Variants in SYT1 observed in about 807,000 individuals in gnomAD.
SYT1 encodes synaptotagmin-1.
Under a neutral mutation model 44.8 loss-of-function variants are expected in SYT1, and 8 were observed. That is an observed-to-expected ratio of 0.18 (90% CI 0.10 to 0.32). The LOEUF (loss-of-function observed/expected upper bound fraction) is 0.32. SYT1 is among the 10% of genes least tolerant of loss of function. The pLI is 1.00. For missense variants in SYT1, 286 were observed against 509.3 expected (o/e 0.56, Z 4.22); for synonymous variants, 154 against 188.8 (o/e 0.82, Z 1.51).
intron 8 of SYT1, among the ~76,000 whole-genome samples, chr12:79,336,566 G>A (rs1882099038): frequency 6.6e-6 from 1 of 151,934 alleles, no homozygotes; most frequent in Non-Finnish European, 1.5e-5. Context: ...AGAGGCCATG[G>A]CAAGCTAGAG....
intron 8 of SYT1, among the ~76,000 whole-genome samples, chr12:79,340,123 C>A (rs1192175278): frequency 6.6e-6 from 1 of 152,132 alleles, no homozygotes; most frequent in Non-Finnish European, 1.5e-5. Context: ...CAGCTTTGTT[C>A]TTTTTGCTTA....
intron 3 of SYT1, among the ~76,000 whole-genome samples, chr12:79,123,232 G>A (rs1592768137): frequency 6.6e-6 from 1 of 151,368 alleles, no homozygotes; most frequent in African/African-American, 2.4e-5. Flanking sequence ...CTTTAAGTTG[G>A]GTGCCTCAGC....
intron 4 of SYT1, among the ~76,000 whole-genome samples, chr12:79,258,007 G>A (rs1877624818): frequency 6.6e-6 from 1 of 152,062 alleles, no homozygotes; most frequent in African/African-American, 2.4e-5. Context: ...TTTCACAAAA[G>A]GCAAGGTTAC....
chr12:79,227,467 C>T (rs1875590655), intron 4 of SYT1, among the ~76,000 whole-genome samples: 1 of 152,086 alleles, frequency 6.6e-6, no homozygotes, highest in Non-Finnish European at 1.5e-5. Context: ...TAGAGTGCAC[C>T]TTTCTTTAAG....
At chr12:78,870,754 G>T (rs913914203) in intron 1 of SYT1, among the ~76,000 whole-genome samples, 1 of 151,898 alleles carries the variant, frequency 6.6e-6, no homozygotes, top group Non-Finnish European at 1.5e-5. Flanking sequence ...GCTCATTTCC[G>T]CTGGGCCATC....
intron 3 of SYT1, among the ~76,000 whole-genome samples, chr12:79,055,059 C>G (rs1486419075): frequency 6.6e-6 from 1 of 151,910 alleles, no homozygotes; most frequent in African/African-American, 2.4e-5. Flanking sequence ...GCCAGCTCCA[C>G]CACTTATTAA....
At chr12:79,055,120 A>G (rs1196234837) in intron 3 of SYT1, among the ~76,000 whole-genome samples, 1 of 151,978 alleles carries the variant, frequency 6.6e-6, no homozygotes, top group Non-Finnish European at 1.5e-5. Context: ...TGATTTCTCC[A>G]TTGAGTAATT....
chr12:78,966,498 T>C lies in SYT1; in HGVS notation c.-216-11301T>C, dbSNP rs149220156. On this transcript the variant is annotated intron_variant, in intron 1 of 10. Coordinates refer to ENST00000261205, the MANE Select transcript of SYT1 (RefSeq NM_005639.3). ...CTAATGACTTAAATCTACTACACCATCTTGCTGATCCATTTTGCCTAGCAA... is the reference window on the plus strand; with the variant it reads ...CTAATGACTTAAATCTACTACACCACCTTGCTGATCCATTTTGCCTAGCAA... 4.2e-3 allele frequency among the ~76,000 whole-genome samples: 637 copies of C among 152,292 alleles called. 5 individuals carry two copies. The highest frequency in any genetic ancestry group is 0.014 in the African/African-American group (590 of 41,560).
At chr12:79,383,314 T>C (rs1316836893) in intron 9 of SYT1, among the ~76,000 whole-genome samples, 1 of 152,216 alleles carries the variant, frequency 6.6e-6, no homozygotes, top group Non-Finnish European at 1.5e-5. Context: ...TATTTGTGTA[T>C]CTAAAGATAG....
In SYT1 at chr12:79,055,858, T is replaced by C. The variant is rs114868204; in HGVS notation, c.-18+8496T>C. 5.7e-3 allele frequency among the ~76,000 whole-genome samples: 871 copies of C among 152,128 alleles called. 7 individuals are homozygous for C. Among genetic ancestry groups the C allele is most frequent in the African/African-American group, 0.02 (823 of 41,538 alleles). On this transcript the variant is annotated intron_variant, in intron 3 of 10. Transcript: ENST00000261205. ...ATTTATTTATTATAAATTGACATCT[T>C]TTAAATTATAAAACATAGTCATGTA... is the stretch of plus-strand genomic sequence containing the variant.
At chr12:79,417,863 T>C (rs965904501) in intron 9 of SYT1, among the ~76,000 whole-genome samples, 1 of 151,630 alleles carries the variant, frequency 6.6e-6, no homozygotes, top group Non-Finnish European at 1.5e-5. Flanking sequence ...GCATATCATG[T>C]CCTGAGAATC....
chr12:78,921,645 C>G (rs2088521011), intron 1 of SYT1, among the ~76,000 whole-genome samples: 1 of 151,936 alleles, frequency 6.6e-6, no homozygotes, highest in African/African-American at 2.4e-5. Context: ...CATGCCCCAC[C>G]AGGCTTCTTC....
chr12:79,439,721 A>G (rs1007702634), intron 9 of SYT1, among the ~76,000 whole-genome samples: 2 of 152,146 alleles, frequency 1.3e-5, no homozygotes, highest in African/African-American at 4.8e-5. Flanking sequence ...CATTTTCACT[A>G]CTTTACAGTT....
chr12:79,223,807 T>C (rs1254755439), intron 4 of SYT1, among the ~76,000 whole-genome samples: 2 of 152,148 alleles, frequency 1.3e-5, no homozygotes, highest in Non-Finnish European at 2.9e-5. Flanking sequence ...GTATAGGTCT[T>C]GAATATAAGG....
chr12:78,977,396 C>T lies in SYT1; in HGVS notation c.-216-403C>T, dbSNP rs538853068. The T allele has an allele frequency of 2.6e-5, 4 of 152,270 alleles. No individual in the cohort carries two copies. The South Asian group carries it at 8.3e-4, about 32-fold the overall frequency. 9.4% of individuals were successfully genotyped at this position (152,270 alleles called of 1,614,324 possible). ...CAGAAAAGGATAGCACTCCAGTATC[C>T]TAACATAGAGTCTTGTTAGCAAAAC... is the stretch of plus-strand genomic sequence containing the variant. On this transcript the variant is annotated intron_variant, in intron 1 of 10. Coordinates refer to ENST00000261205, the MANE Select transcript of SYT1 (RefSeq NM_005639.3).
At chr12:79,087,060 G>C (rs1195346466) in intron 3 of SYT1, among the ~76,000 whole-genome samples, 1 of 152,124 alleles carries the variant, frequency 6.6e-6, no homozygotes, top group African/African-American at 2.4e-5. Context: ...CTGAAACCGA[G>C]TCTGCAGCGT....
intron 1 of SYT1, among the ~76,000 whole-genome samples, chr12:78,977,002 T>C (rs1403082964): frequency 6.6e-6 from 1 of 152,002 alleles, no homozygotes; most frequent in Non-Finnish European, 1.5e-5. Flanking sequence ...TGGGGCAAAA[T>C]TTTTTGCAGT....
chr12:79,292,495 A>G (rs1012610810), intron 6 of SYT1, among the ~76,000 whole-genome samples: 1 of 152,204 alleles, frequency 6.6e-6, no homozygotes, highest in Non-Finnish European at 1.5e-5. Context: ...ATTTAGAACT[A>G]GACAGGGCTA....
At chr12:79,194,762 A>G (rs1873346778) in intron 3 of SYT1, among the ~76,000 whole-genome samples, 2 of 152,102 alleles carry the variant, frequency 1.3e-5, no homozygotes, top group African/African-American at 4.8e-5. Flanking sequence ...ACATCATTCA[A>G]CCAGCTACAT....
Sources: gnomAD v4.1 joint callset for allele counts (sites outside exome capture counted in the v4.1 genomes callset) on GRCh38, gnomAD v4.1.1 for gene constraint, MANE v1.5 for transcripts, NCBI Gene and HGNC (gene_info 2026-07-23, HGNC 2026-07-21) for gene names.